Variants in AKAP1 observed in about 807,000 individuals in gnomAD.
AKAP1 encodes the protein A-kinase anchoring protein 1.
In AKAP1, 32 loss-of-function variants were observed where a neutral mutation model predicts 79.8. The observed-to-expected ratio is 0.40, with a 90% CI of 0.30 to 0.54. The LOEUF (loss-of-function observed/expected upper bound fraction) is 0.54, where lower values mean the gene tolerates loss of function less well. AKAP1 is among the 20% of genes least tolerant of loss of function. The pLI, the probability that AKAP1 is intolerant of heterozygous loss-of-function variation, is 0.47. For synonymous variants in AKAP1, 416 were observed against 466.7 expected (o/e 0.89, Z 1.40); for missense variants, 961 against 1,138.9 (o/e 0.84, Z 2.25).
At chr17:57,108,565 G>C (rs1915039287) in intron 2 of AKAP1, among the ~76,000 whole-genome samples, 1 of 152,192 alleles carries the variant, frequency 6.6e-6, no homozygotes, top group Admixed American at 6.5e-5. Flanking sequence ...GTTTAGGCTT[G>C]AACCTAAGCC....
intron 1 of AKAP1, among the ~76,000 whole-genome samples, chr17:57,102,076 TGC>T (rs1914551054): frequency 6.6e-6 from 1 of 152,190 alleles, no homozygotes. Context: ...CCTCAGCCTG[TGC>T]AGAGGTACGT....
At chr17:57,101,237 C>T (rs1914489245) in intron 1 of AKAP1, among the ~76,000 whole-genome samples, 1 of 152,184 alleles carries the variant, frequency 6.6e-6, no homozygotes, top group East Asian at 1.9e-4. Context: ...GATGGGGTCT[C>T]ACTCTGTTGC....
At chr17:57,087,516 T>A (rs1282041042) in intron 1 of AKAP1, among the ~76,000 whole-genome samples, 1 of 152,186 alleles carries the variant, frequency 6.6e-6, no homozygotes, top group Non-Finnish European at 1.5e-5. Flanking sequence ...GCAGCCATAT[T>A]TTAGGGGAAG....
intron 6 of AKAP1, among the ~76,000 whole-genome samples, chr17:57,114,909 T>G (rs1054687558): frequency 1.3e-5 from 2 of 151,932 alleles, no homozygotes; most frequent in Admixed American, 6.5e-5. Flanking sequence ...TTTCTTTTTT[T>G]TTTCCCTCAA....
chr17:57,090,929 T>A (rs1490345584), intron 1 of AKAP1, among the ~76,000 whole-genome samples: 2 of 152,228 alleles, frequency 1.3e-5, no homozygotes, highest in Non-Finnish European at 2.9e-5. Context: ...GACCATCTCC[T>A]GGCCCTCCAA....
Position 57,105,970 on chromosome 17 carries a change from C to A in AKAP1, c.506C>A (p.Ser169Tyr). The A allele has an allele frequency of 6.2e-7, 1 of 1,614,204 alleles. No homozygotes were observed. Among genetic ancestry groups the A allele is most frequent in the Non-Finnish European group, 8.5e-7 (1 of 1,180,046 alleles). ...SKSAEVCKQD[S>Y]PFSRVPRKVQ... ...TCAGCTGAGGTGTGTAAGCAAGATT[C>A]CCCCTTCAGCAGGGTGCCAAGGAAG... is the stretch of plus-strand genomic sequence containing the variant. Residue 169 changes from serine (S) to tyrosine (Y), a missense_variant, in exon 2 of 11, where the codon TCC becomes TAC. Around this residue, in one of 3 missense-constraint regions of AKAP1, gnomAD observed 224 missense variants for 210.2 expected, o/e 1.07. Coordinates refer to ENST00000337714, the MANE Select transcript of AKAP1 (RefSeq NM_003488.4).
At chr17:57,102,475 C>CTT (rs200892328) in intron 1 of AKAP1, among the ~76,000 whole-genome samples, 73 of 141,214 alleles carry the variant, frequency 5.2e-4, no homozygotes, top group Middle Eastern at 3.5e-3. Context: ...ATGCCTTGAG[C>CTT]TTTTTTTTTT....
chr17:57,120,441 C>G lies in AKAP1; in HGVS notation c.*117C>G. 1 of 894,450 alleles carries G rather than the reference C, an allele frequency of 1.1e-6. No homozygotes were observed. Among genetic ancestry groups the G allele is most frequent in the Non-Finnish European group, 1.7e-6 (1 of 581,042 alleles). 55.4% of individuals were successfully genotyped at this position (894,450 alleles called of 1,614,324 possible). A position where few individuals can be genotyped will look rare whatever the true frequency, so the allele number is the denominator to read the frequency against. ...GTCCTCTCCAGAAAGTCCTTTCTTT[C>G]TCCATACTGTAGTCCTATTGAGAAG... On this transcript the variant is annotated 3_prime_UTR_variant, in exon 11 of 11. Transcript: ENST00000337714.
At chr17:57,100,036 GGGGTGGGGCTT>G (rs1393444047) in intron 1 of AKAP1, among the ~76,000 whole-genome samples, 2 of 152,174 alleles carry the variant, frequency 1.3e-5, no homozygotes, top group Admixed American at 6.5e-5. Context: ...TAGTTCTAAA[GGGGTGGGGCTT>G]CTCCCAGCCA....
intron 1 of AKAP1, chr17:57,092,787 C>G (rs989550563): frequency 2.6e-5 from 4 of 152,226 alleles, no homozygotes; most frequent in Admixed American, 6.5e-5. Context: ...CCTTGGGGTT[C>G]TTGCGAGTCC....
rs140988619 is a variant in AKAP1, at chr17:57,112,515, C to T, written c.2000C>T (p.Ala667Val). The T allele has an allele frequency of 1.8e-5, 29 of 1,613,980 alleles. No individual in the cohort carries two copies. The highest frequency in any genetic ancestry group is 4.0e-5 in the African/African-American group (3 of 74,926). ...IEGSQHHVDK[A>V]LNLIGKKFKE... ...GGCTCTCAACATCATGTAGACAAAG[C>T]GCTGAACTTGATTGGGAAGAAGTTC... is the stretch of plus-strand genomic sequence containing the variant. Residue 667 changes from alanine (A) to valine (V), a missense_variant, in exon 5 of 11, where the codon GCG becomes GTG. By Grantham distance (64) the Ala-to-Val change is moderately conservative (BLOSUM62 0). Around this residue, in one of 3 missense-constraint regions of AKAP1, gnomAD observed 629 missense variants for 781.1 expected, o/e 0.81. Coordinates refer to ENST00000337714, the MANE Select transcript of AKAP1 (RefSeq NM_003488.4).
intron 3 of AKAP1, among the ~76,000 whole-genome samples, 178 bp downstream of exon 3, chr17:57,110,336 T>G (rs1249154242): frequency 2.0e-5 from 3 of 152,204 alleles, no homozygotes; most frequent in African/African-American, 7.2e-5. Flanking sequence ...CTCAGAGAGC[T>G]TCCTGCAACA....
intron 1 of AKAP1, among the ~76,000 whole-genome samples, chr17:57,100,204 T>C (rs960913044): frequency 6.6e-6 from 1 of 152,210 alleles, no homozygotes; most frequent in African/African-American, 2.4e-5. Context: ...TTTAATCTTT[T>C]TCCTGCGATC....
At position 57,120,209 on chromosome 17, in the gene AKAP1, G is replaced by A. The variant is rs112577004; in HGVS notation, c.2638-41G>A. 3.1e-6 allele frequency: 5 copies of A among 1,589,898 alleles called. No homozygotes were observed. The African/African-American group carries it at 6.8e-5, about 22-fold the overall frequency. Reference sequence around the variant, plus strand: ...ATGTTGGCTAGGGAGATGGCCCCAGGATGCCATGGACAAAAGCTTTAAGGG... The same window carrying A: ...ATGTTGGCTAGGGAGATGGCCCCAGAATGCCATGGACAAAAGCTTTAAGGG... On this transcript the variant is annotated intron_variant, in intron 10 of 10. Transcript: ENST00000337714.
chr17:57,111,411 T>C (rs1434986858), intron 3 of AKAP1, among the ~76,000 whole-genome samples: 26 of 152,214 alleles, frequency 1.7e-4, no homozygotes, highest in Admixed American at 1.7e-3. Context: ...TGGTGAAACT[T>C]CTCAGCATGG....
rs951867041 is a variant in AKAP1 at position 57,118,328 on chromosome 17, G to C, written c.2501-53G>C. On this transcript the variant is annotated intron_variant, in intron 8 of 10. Transcript: ENST00000337714. ...ACCTGAAACTTGTGTACATGACAAG[G>C]GTGCCTTGCCTCAGTGAGAGCCTAA... is the stretch of plus-strand genomic sequence containing the variant. The C allele has an allele frequency of 9.1e-6, 14 of 1,539,900 alleles. No individual in the cohort carries two copies. The African/African-American group carries it at 1.5e-4, about 16-fold the overall frequency.
intron 3 of AKAP1, 102 bp downstream of exon 3, chr17:57,110,260 T>C: frequency 1.3e-6 from 2 of 1,492,202 alleles, no homozygotes; most frequent in South Asian, 1.3e-5. Context: ...AGAGGGACAG[T>C]AAACCAGAAG....
intron 6 of AKAP1, 37 bp from the exon 7 acceptor site, chr17:57,116,074 C>G: frequency 6.2e-7 from 1 of 1,600,886 alleles, no homozygotes; most frequent in South Asian, 1.1e-5. Context: ...CCTGCCCTGG[C>G]CCAGGCGTTC....
chr17:57,103,960 C>G (rs1408672178), intron 1 of AKAP1, among the ~76,000 whole-genome samples: 1 of 152,060 alleles, frequency 6.6e-6, no homozygotes, highest in African/African-American at 2.4e-5. Flanking sequence ...ACCTAACTGA[C>G]TTAGGTTTCT....
Sources: allele counts gnomAD v4.1 joint callset (sites outside exome capture counted in the v4.1 genomes callset), GRCh38; gene constraint gnomAD v4.1.1; regional missense constraint gnomAD v4.1.1; transcripts MANE v1.5; gene names NCBI Gene and HGNC (gene_info 2026-07-23, HGNC 2026-07-21).